The following CNTNAP2 variants were observed in gnomAD, a reference collection of about 807,000 sequenced individuals.
The protein encoded by CNTNAP2 is contactin-associated protein-like 2.
A neutral mutation model predicts 155.2 loss-of-function variants in CNTNAP2; 98 were observed. The ratio of observed to expected loss-of-function variants is 0.63; its 90% CI spans 0.54 to 0.75. The LOEUF is 0.75. CNTNAP2 is among the 30% of genes least tolerant of loss of function. CNTNAP2 has a pLI of 0.00. For synonymous variants in CNTNAP2, 651 were observed against 631.2 expected (o/e 1.03, Z -0.47); for missense variants, 1,727 against 1,688.1 (o/e 1.02, Z -0.40).
At chr7:147,228,179 A>T (rs1484802509) in intron 8 of CNTNAP2, among the ~76,000 whole-genome samples, 1 of 152,228 alleles carries the variant, frequency 6.6e-6, no homozygotes, top group African/African-American at 2.4e-5. Context: ...TCAAGAAAGA[A>T]TGAAAGTAAA....
intron 1 of CNTNAP2, among the ~76,000 whole-genome samples, chr7:146,459,317 T>G (rs1430447680): frequency 6.6e-6 from 1 of 152,168 alleles, no homozygotes; most frequent in Non-Finnish European, 1.5e-5. Context: ...GAATACGAAT[T>G]TCCACATGCT....
At chr7:146,607,506 T>A (rs1032557153) in intron 1 of CNTNAP2, among the ~76,000 whole-genome samples, 8 of 152,118 alleles carry the variant, frequency 5.3e-5, no homozygotes, top group African/African-American at 1.9e-4. Context: ...AGACAGGGTC[T>A]TTTTCTGTCA....
chr7:148,081,319 G>A, intron 15 of CNTNAP2, among the ~76,000 whole-genome samples: 1 of 152,138 alleles, frequency 6.6e-6, no homozygotes, highest in East Asian at 1.9e-4. Context: ...GCAAAGTATT[G>A]ATCTTGGGTG....
chr7:147,123,827 G>T (rs1165694228), intron 6 of CNTNAP2, among the ~76,000 whole-genome samples: 1 of 152,058 alleles, frequency 6.6e-6, no homozygotes, highest in Non-Finnish European at 1.5e-5. Flanking sequence ...GTTCACCTGT[G>T]CTCAGGAGTT....
chr7:147,652,212 A>T (rs1795460203), intron 13 of CNTNAP2, among the ~76,000 whole-genome samples: 1 of 152,196 alleles, frequency 6.6e-6, no homozygotes, highest in Non-Finnish European at 1.5e-5. Flanking sequence ...CAATTTACCA[A>T]CACCAGTGGC....
rs151069209 is a variant in CNTNAP2 at position 146,888,058 on chromosome 7, C to G, written c.402+48154C>G. Among the ~76,000 whole-genome samples, 626 of 152,162 alleles carry G rather than the reference C, an allele frequency of 4.1e-3. 1 individual carries two copies. The highest frequency in any genetic ancestry group is 7.0e-3 in the Non-Finnish European group (474 of 67,976). The stretch of plus-strand genomic sequence containing the variant: ...TAGAAAATCTAGCCAATGAATTAAT[C>G]TATCATCCATTGACATTAGATCATT... On this transcript the variant is annotated intron_variant, in intron 3 of 23. Transcript: ENST00000361727.
At chr7:147,034,087 A>C (rs1412589900) in intron 3 of CNTNAP2, among the ~76,000 whole-genome samples, 2 of 152,128 alleles carry the variant, frequency 1.3e-5, no homozygotes, top group African/African-American at 4.8e-5. Context: ...AATTTTCTAG[A>C]AAAGGAGTGG....
intron 9 of CNTNAP2, among the ~76,000 whole-genome samples, chr7:147,314,088 G>T (rs1421618017): frequency 2.0e-5 from 3 of 151,886 alleles, no homozygotes; most frequent in Non-Finnish European, 4.4e-5. Flanking sequence ...GTATAAGAAT[G>T]CATGTGATTT....
chr7:148,338,537 C>T (rs1442791850), intron 21 of CNTNAP2, among the ~76,000 whole-genome samples: 3 of 151,358 alleles, frequency 2.0e-5, no homozygotes, highest in East Asian at 1.9e-4. Context: ...TTATATTGCC[C>T]AGTAATTGGG....
chr7:147,583,104 G>C (rs975701651), intron 12 of CNTNAP2, among the ~76,000 whole-genome samples: 2 of 152,032 alleles, frequency 1.3e-5, no homozygotes, highest in Non-Finnish European at 2.9e-5. Flanking sequence ...GAAAGCCTAA[G>C]CGAATGACCC....
rs1274474668 is a variant in CNTNAP2, at chr7:148,415,455, C to G, written c.3835C>G (p.Leu1279Val). Residue 1279 changes from leucine to valine, a missense_variant, in exon 24 of 24, where the codon CTG (leucine) becomes GTG (valine). Transcript: ENST00000361727. ...AVVIFTILCT[L>V]VFLIRYMFRH... ...GGTGATTTTCACCATCCTGTGCACC[C>G]TGGTCTTCCTGATCCGGTACATGTT... 6.2e-7 allele frequency: 1 copy of G among 1,614,040 alleles called. No homozygotes were observed. Among genetic ancestry groups the G allele is most frequent in the African/African-American group, 1.3e-5 (1 of 74,940 alleles).
chr7:147,999,162 A>G lies in CNTNAP2; in HGVS notation c.2383+21173A>G, dbSNP rs550130789. Among the ~76,000 whole-genome samples, 53 of 152,200 alleles carry G rather than the reference A, an allele frequency of 3.5e-4. 1 individual carries two copies. In the South Asian group the frequency reaches 0.011, roughly 31 times the overall value. ...CAGTGGTGCAGTCTTTGCTCACTGC[A>G]GCCTCTGCCTCCCGGGTTCCAGTGA... On this transcript the variant is annotated intron_variant, in intron 15 of 23. Transcript: ENST00000361727.
chr7:146,763,015 C>T (rs2129184281), intron 1 of CNTNAP2, among the ~76,000 whole-genome samples: 1 of 151,952 alleles, frequency 6.6e-6, no homozygotes, highest in Non-Finnish European at 1.5e-5. Context: ...AAGCCCACAA[C>T]ATGTGGGAAT....
chr7:147,330,170 G>T (rs1369849964), intron 9 of CNTNAP2, among the ~76,000 whole-genome samples: 1 of 152,108 alleles, frequency 6.6e-6, no homozygotes, highest in East Asian at 1.9e-4. Flanking sequence ...TAGAAGGGAA[G>T]CAGGGCTGGA....
intron 3 of CNTNAP2, among the ~76,000 whole-genome samples, chr7:146,947,410 C>CTA (rs35859103): frequency 0.012 from 1,494 of 122,600 alleles, 32 homozygotes; most frequent in Admixed American, 0.049. Flanking sequence ...CTCTCTCTCT[C>CTA]TATATATATA....
chr7:147,796,594 AC>A (rs1049918003), intron 13 of CNTNAP2, among the ~76,000 whole-genome samples: 14 of 151,936 alleles, frequency 9.2e-5, no homozygotes, highest in Non-Finnish European at 1.8e-4. Context: ...AAAAAAAAAA[AC>A]ATAAAACATG....
chr7:146,754,565 T>G (rs1801961910), intron 1 of CNTNAP2, among the ~76,000 whole-genome samples: 1 of 151,618 alleles, frequency 6.6e-6, no homozygotes, highest in Admixed American at 6.6e-5. Flanking sequence ...TCTCTCTCTC[T>G]CTCTCTCTCT....
At chr7:146,878,440 C>T (rs73740902) in intron 3 of CNTNAP2, among the ~76,000 whole-genome samples, 2,912 of 149,984 alleles carry the variant, frequency 0.019, 93 homozygotes, top group African/African-American at 0.067. Flanking sequence ...CCCACAAGTA[C>T]TCTTGAGTTT....
At chr7:148,172,868 G>A (rs573562484) in intron 18 of CNTNAP2, among the ~76,000 whole-genome samples, 40 of 152,226 alleles carry the variant, frequency 2.6e-4, no homozygotes, top group Non-Finnish European at 5.3e-4. Context: ...TAGTGAATCA[G>A]CCAGTGCACC....
Sources: allele counts gnomAD v4.1 joint callset (sites outside exome capture counted in the v4.1 genomes callset), GRCh38; gene constraint gnomAD v4.1.1; transcripts MANE v1.5; gene names NCBI Gene and HGNC (gene_info 2026-07-23, HGNC 2026-07-21).